AFDN: variants seen among roughly 807,000 people sequenced by gnomAD.
The protein encoded by AFDN is afadin.
A neutral mutation model predicts 216.6 loss-of-function variants in AFDN; 68 were observed. That is an observed-to-expected ratio of 0.31 (90% CI 0.26 to 0.38). The LOEUF is 0.38. Ranked by LOEUF, AFDN falls within the 10% of genes least tolerant of loss-of-function variation. The pLI is 1.00. For missense variants in AFDN, 2,136 were observed against 2,342.0 expected (o/e 0.91, Z 1.82); for synonymous variants, 868 against 853.7 (o/e 1.02, Z -0.29).
intron 1 of AFDN, among the ~76,000 whole-genome samples, chr6:167,851,402 A>T (rs892711227): frequency 6.6e-6 from 1 of 151,986 alleles, no homozygotes; most frequent in African/African-American, 2.4e-5. Flanking sequence ...TCCATTAGAT[A>T]TTTTTTTCTG....
chr6:167,946,819 A>G lies in AFDN; in HGVS notation c.3471A>G (p.Glu1157=). Residue 1157 remains glutamate (E), a synonymous_variant, in exon 27 of 34, where the codon GAA becomes GAG. Transcript: ENST00000683244. ...SPESPQLPWA[E]YSEPKKLPGD... is the part of the protein sequence containing the mutation. Reference sequence around the variant, plus strand: ...AGAGTCCTCAGCTGCCTTGGGCAGAATATAGTGAACCAAAGAAATTGCCTG... The same window carrying G: ...AGAGTCCTCAGCTGCCTTGGGCAGAGTATAGTGAACCAAAGAAATTGCCTG... 1.9e-6 allele frequency: 3 copies of G among 1,613,284 alleles called. No individual in the cohort carries two copies. Among genetic ancestry groups the G allele is most frequent in the South Asian group, 1.1e-5 (1 of 90,690 alleles).
intron 1 of AFDN, among the ~76,000 whole-genome samples, chr6:167,830,577 G>A (rs1320709786): frequency 6.6e-6 from 1 of 152,138 alleles, no homozygotes; most frequent in Non-Finnish European, 1.5e-5. Flanking sequence ...CAGAAATTAT[G>A]CTAGGTAATT....
At chr6:167,899,511 A>G (rs1196042933) in intron 11 of AFDN, among the ~76,000 whole-genome samples, 1 of 152,160 alleles carries the variant, frequency 6.6e-6, no homozygotes, top group East Asian at 1.9e-4. Flanking sequence ...TTCATTGATC[A>G]GCCGTGTCCC....
intron 8 of AFDN, among the ~76,000 whole-genome samples, chr6:167,892,437 G>C (rs1475560982): frequency 6.6e-6 from 1 of 152,082 alleles, no homozygotes; most frequent in Non-Finnish European, 1.5e-5. Context: ...TTTGGGTATT[G>C]GGTCTGCCCT....
Position 167,897,642 on chromosome 6 carries a change from C to CTTTTTTTT in AFDN, c.1318-545_1318-538dup, listed in dbSNP as rs57383020. On this transcript the variant is annotated intron_variant, in intron 10 of 33. Coordinates refer to ENST00000683244, the MANE Select transcript of AFDN (RefSeq NM_001386888.1). ...AATATTGGTTAAGATGACTGTATGC[C>CTTTTTTTT]TTTTTTTTTTTTTTTTTTTTTTTTT... Among the ~76,000 whole-genome samples, 232 of 89,742 alleles carry CTTTTTTTT rather than the reference C, an allele frequency of 2.6e-3. 29 individuals carry two copies. Among genetic ancestry groups the CTTTTTTTT allele is most frequent in the African/African-American group, 7.3e-3 (145 of 19,748 alleles). The allele number at this position is 89,742 out of a possible 152,430, so 58.9% of individuals were successfully genotyped here.
At chr6:167,952,221 G>A in intron 30 of AFDN, 34 bp downstream of exon 30, 4 of 1,613,816 alleles carry the variant, frequency 2.5e-6, no homozygotes, top group Non-Finnish European at 3.4e-6. Context: ...GTGCCCATCT[G>A]TGGTCCCTAT....
intron 29 of AFDN, among the ~76,000 whole-genome samples, chr6:167,948,710 T>TA (rs1156747673): frequency 6.6e-6 from 1 of 152,232 alleles, no homozygotes; most frequent in Non-Finnish European, 1.5e-5. Context: ...TATAAGGCCT[T>TA]ACAATTTTTA....
chr6:167,859,549 A>G (rs1783300047), intron 1 of AFDN, among the ~76,000 whole-genome samples: 1 of 152,192 alleles, frequency 6.6e-6, no homozygotes, highest in Non-Finnish European at 1.5e-5. Context: ...AGAAAAGTAA[A>G]TTGTGCATGG....
chr6:167,950,033 G>A (rs1795783404), intron 29 of AFDN, among the ~76,000 whole-genome samples: 1 of 152,162 alleles, frequency 6.6e-6, no homozygotes, highest in South Asian at 2.1e-4. Context: ...CCGGCAGCAG[G>A]GAGCGGCGGT....
At chr6:167,852,077 G>A (rs763116419) in intron 1 of AFDN, among the ~76,000 whole-genome samples, 4 of 152,038 alleles carry the variant, frequency 2.6e-5, no homozygotes, top group Non-Finnish European at 4.4e-5. Context: ...CCTAAAACCC[G>A]TCATGTTATT....
Position 167,911,462 on chromosome 6 carries a change from G to A in AFDN, c.2010G>A (p.Met670Ile), listed in dbSNP as rs1343384554. The A allele has an allele frequency of 2.5e-6, 4 of 1,614,102 alleles. No individual in the cohort carries two copies. The Middle Eastern group carries it at 6.6e-4, about 266-fold the overall frequency. Residue 670 changes from methionine to isoleucine, a missense_variant, in exon 15 of 34, where the codon ATG (methionine) becomes ATA (isoleucine). This residue lies in a region of AFDN where 817 missense variants were observed against 965.7 expected (regional missense o/e 0.85). Transcript: ENST00000683244. ...AAGTCATTGCAGTCGTCAACAAGATGGTGAGCATGATGGAGGGTGTCATCC... is the reference window on the plus strand; with the variant it reads ...AAGTCATTGCAGTCGTCAACAAGATAGTGAGCATGATGGAGGGTGTCATCC... Reference protein sequence around the residue: ...THKVIAVVNKMVSMMEGVIQE... With the variant: ...THKVIAVVNKIVSMMEGVIQE...
intron 31 of AFDN, chr6:167,964,727 T>G: frequency 1.9e-6 from 2 of 1,064,568 alleles, no homozygotes; most frequent in Non-Finnish European, 2.3e-6. Context: ...AACTTTTCAC[T>G]GAATGCCAGC....
intron 1 of AFDN, among the ~76,000 whole-genome samples, chr6:167,838,582 G>T (rs1156640481): frequency 6.6e-6 from 1 of 152,110 alleles, no homozygotes; most frequent in East Asian, 1.9e-4. Context: ...AACAATCTTC[G>T]AGAGGTTATC....
chr6:167,965,111 G>T, intron 31 of AFDN: 4 of 1,002,742 alleles, frequency 4.0e-6, no homozygotes, highest in Non-Finnish European at 4.8e-6. Context: ...ACTATGGAAA[G>T]CATATTTGTT....
Position 167,970,773 on chromosome 6 carries a change from A to G in AFDN, c.*838A>G, listed in dbSNP as rs905934021. Reference sequence around the variant, plus strand: ...CGCTCCAAGGCGTCTGTAAAAGAAGATATCTTTATTGGAGCAATGTTCATG... The same window carrying G: ...CGCTCCAAGGCGTCTGTAAAAGAAGGTATCTTTATTGGAGCAATGTTCATG... On this transcript the variant is annotated 3_prime_UTR_variant, in exon 34 of 34. Transcript: ENST00000683244. The G allele has an allele frequency of 9.1e-6, 2 of 219,226 alleles. No individual in the cohort carries two copies. Among genetic ancestry groups the G allele is most frequent in the African/African-American group, 4.5e-5 (2 of 44,512 alleles). The allele number at this position is 219,226 out of a possible 1,614,324, so 13.6% of individuals were successfully genotyped here.
intron 1 of AFDN, among the ~76,000 whole-genome samples, chr6:167,829,538 G>T (rs1779600347): frequency 6.6e-6 from 1 of 152,020 alleles, no homozygotes. Flanking sequence ...GCATTGTACT[G>T]GTCCTTATCA....
rs182562840 is a variant in AFDN at position 167,868,966 on chromosome 6, G to A, written c.302-1420G>A. On this transcript the variant is annotated intron_variant, in intron 2 of 33. Transcript: ENST00000683244. ...TCTTTTTTTTTTTTCTGTGGAAATCGGATCTTGCCATGTTGCCCAGGCTGG... is the reference window on the plus strand; with the variant it reads ...TCTTTTTTTTTTTTCTGTGGAAATCAGATCTTGCCATGTTGCCCAGGCTGG... Among the ~76,000 whole-genome samples the A allele has an allele frequency of 4.9e-3, 734 of 150,892 alleles. 5 individuals carry two copies. The highest frequency in any genetic ancestry group is 0.017 in the African/African-American group (692 of 41,054).
intron 29 of AFDN, among the ~76,000 whole-genome samples, chr6:167,949,375 A>G (rs1795702952): frequency 6.6e-6 from 1 of 152,160 alleles, no homozygotes. Flanking sequence ...AAGAATGAGA[A>G]CAGTAGGCAG....
intron 13 of AFDN, 140 bp downstream of exon 13, chr6:167,907,429 T>C: frequency 1.5e-6 from 1 of 651,956 alleles, no homozygotes; most frequent in Non-Finnish European, 2.6e-6. Flanking sequence ...GCATTTCCTT[T>C]CTGTGTTATT....
Sources: gnomAD v4.1 joint callset for allele counts (sites outside exome capture counted in the v4.1 genomes callset) on GRCh38, gnomAD v4.1.1 for gene constraint, gnomAD v4.1.1 regional missense constraint, MANE v1.5 for transcripts, NCBI Gene and HGNC (gene_info 2026-07-23, HGNC 2026-07-21) for gene names.